ACTR3C: variants seen among roughly 807,000 people sequenced by gnomAD.
ACTR3C encodes actin related protein 3C.
Under a neutral mutation model 26.3 loss-of-function variants are expected in ACTR3C, and 18 were observed. That is an observed-to-expected ratio of 0.68 (90% CI 0.47 to 1.01). The LOEUF (loss-of-function observed/expected upper bound fraction) is 1.01. Among genes scored for constraint, ACTR3C ranks in the 50% least tolerant of loss-of-function variants. ACTR3C has a pLI of 0.00. For synonymous variants in ACTR3C, 55 were observed against 94.5 expected (o/e 0.58, Z 2.42); for missense variants, 184 against 250.7 (o/e 0.73, Z 1.80).
intron 1 of ACTR3C, among the ~76,000 whole-genome samples, chr7:150,301,900 A>G (rs1422986550): frequency 6.6e-6 from 1 of 152,162 alleles, no homozygotes; most frequent in Non-Finnish European, 1.5e-5. Context: ...CAATGGGGAC[A>G]GAGTTTTAGT....
the ACTR3C span, among the ~76,000 whole-genome samples, chr7:150,185,624 C>G: frequency 0.19 from 24,393 of 129,216 alleles, 3,015 homozygotes; most frequent in African/African-American, 0.38. Flanking sequence ...CAATCACCAT[C>G]CATCTCATCA....
At chr7:150,173,357 T>G in the ACTR3C span, among the ~76,000 whole-genome samples, 1 of 146,260 alleles carries the variant, frequency 6.8e-6, no homozygotes, top group Admixed American at 6.6e-5. Flanking sequence ...GCTTACACCT[T>G]CTGAGGCTAC....
intron 3 of ACTR3C, among the ~76,000 whole-genome samples, chr7:150,292,256 G>C (rs1349085193): frequency 3.9e-5 from 6 of 152,102 alleles, no homozygotes; most frequent in Non-Finnish European, 7.3e-5. Flanking sequence ...CTGAGGAGGA[G>C]ACCTCAAAGG....
chr7:150,275,572 G>A lies in ACTR3C; in HGVS notation c.564+9181C>T, dbSNP rs564305536. 2.2e-3 allele frequency among the ~76,000 whole-genome samples: 342 copies of A among 152,178 alleles called. 1 individual carries two copies. Among genetic ancestry groups the A allele is most frequent in the African/African-American group, 7.3e-3 (304 of 41,508 alleles). On this transcript the variant is annotated intron_variant, in intron 6 of 7. Coordinates refer to ENST00000683684, the MANE Select transcript of ACTR3C (RefSeq NM_001164458.2). ...CTAAAAATACAAAAATCAGCCAGGC[G>A]TGGTGGCGGGCACCTGTAATCCCAG...
the ACTR3C span, among the ~76,000 whole-genome samples, chr7:149,933,525 T>C: frequency 2.0e-5 from 3 of 152,058 alleles, no homozygotes; most frequent in Non-Finnish European, 4.4e-5. Context: ...CTAAAGATAA[T>C]TAAAGGATGA....
chr7:150,082,057 G>A, the ACTR3C span, among the ~76,000 whole-genome samples: 1 of 152,120 alleles, frequency 6.6e-6, no homozygotes, highest in Non-Finnish European at 1.5e-5. Flanking sequence ...TGCCTGGAAG[G>A]CTCTCCTATG....
At chr7:150,256,562 G>A (rs1425024272) in intron 6 of ACTR3C, among the ~76,000 whole-genome samples, 2 of 152,190 alleles carry the variant, frequency 1.3e-5, no homozygotes, top group African/African-American at 2.4e-5. Flanking sequence ...CCCTGAGTAC[G>A]TGTGGACACA....
the ACTR3C span, among the ~76,000 whole-genome samples, chr7:150,016,116 G>C: frequency 6.6e-6 from 1 of 151,980 alleles, no homozygotes; most frequent in Non-Finnish European, 1.5e-5. Context: ...CTCACTACAG[G>C]GCCTTTGCTA....
At chr7:150,144,975 G>A in the ACTR3C span, among the ~76,000 whole-genome samples, 2 of 151,700 alleles carry the variant, frequency 1.3e-5, no homozygotes, top group Admixed American at 1.3e-4. The surrounding 1 kb of genome is among the most constrained non-coding windows in gnomAD (Gnocchi z 4.6). Context: ...GCGTGAAGTT[G>A]GGAGGTGGAG....
chr7:150,084,079 C>T, the ACTR3C span, among the ~76,000 whole-genome samples: 1 of 151,996 alleles, frequency 6.6e-6, no homozygotes, highest in African/African-American at 2.4e-5. Flanking sequence ...GCTATGTTTC[C>T]CAAGCTGGTC....
At chr7:150,292,352 T>C (rs1335949148) in intron 3 of ACTR3C, among the ~76,000 whole-genome samples, 1 of 152,188 alleles carries the variant, frequency 6.6e-6, no homozygotes, top group Non-Finnish European at 1.5e-5. Flanking sequence ...GAATTTAAGA[T>C]AATTCCTTTA....
chr7:150,049,336 C>G, the ACTR3C span, among the ~76,000 whole-genome samples: 1 of 152,162 alleles, frequency 6.6e-6, no homozygotes. Flanking sequence ...CCAGCCCTTC[C>G]CGGCCGGGAA....
At chr7:149,949,379 A>AAAGGAAGGAAGGAGGG in the ACTR3C span, among the ~76,000 whole-genome samples, 1 of 124,134 alleles carries the variant, frequency 8.1e-6, no homozygotes, top group Admixed American at 8.1e-5. Context: ...GACAGAAAAG[A>AAAGGAAGGAAGGAGGG]AAGGAAGGAA....
chr7:149,931,593 A>C, the ACTR3C span, among the ~76,000 whole-genome samples: 3,142 of 152,184 alleles, frequency 0.021, 88 homozygotes, highest in African/African-American at 0.07. Flanking sequence ...TTCATGGAGC[A>C]CCTCTGATTG....
chr7:150,039,548 C>T, the ACTR3C span, among the ~76,000 whole-genome samples: 1 of 109,984 alleles, frequency 9.1e-6, no homozygotes. Context: ...GTCCCCAGAG[C>T]CAGGGGGGGA....
chr7:150,115,757 T>C, the ACTR3C span, among the ~76,000 whole-genome samples: 3 of 152,226 alleles, frequency 2.0e-5, no homozygotes, highest in Non-Finnish European at 2.9e-5. Context: ...GCCTGGATCT[T>C]AATCTCTATC....
At chr7:150,295,719 C>A (rs1256195187) in intron 1 of ACTR3C, among the ~76,000 whole-genome samples, 1 of 149,894 alleles carries the variant, frequency 6.7e-6, no homozygotes, top group Non-Finnish European at 1.5e-5. Flanking sequence ...AAAGGCGAAC[C>A]GGTGACTTCA....
the ACTR3C span, among the ~76,000 whole-genome samples, chr7:150,118,923 CCAATAG>C: frequency 7.5e-6 from 1 of 132,776 alleles, no homozygotes; most frequent in Non-Finnish European, 1.6e-5. Flanking sequence ...AGAGTGGGGG[CCAATAG>C]TCAACATTCT....
chr7:149,993,318 G>A, the ACTR3C span, among the ~76,000 whole-genome samples: 1 of 152,044 alleles, frequency 6.6e-6, no homozygotes, highest in African/African-American at 2.4e-5. Context: ...GGAGAGCGGG[G>A]AGCTGGCCAG....
Sources: gnomAD v4.1 joint callset for allele counts (sites outside exome capture counted in the v4.1 genomes callset) on GRCh38, gnomAD v4.1.1 for gene constraint, Gnocchi (gnomAD v3.1) non-coding constraint, MANE v1.5 for transcripts, NCBI Gene and HGNC (gene_info 2026-07-23, HGNC 2026-07-21) for gene names.